TRIOBP: variants seen among roughly 807,000 people sequenced by gnomAD.
TRIOBP encodes the protein TRIO and F-actin binding protein, also known as TRIO and F-actin-binding protein.
Under a neutral mutation model 238.8 loss-of-function variants are expected in TRIOBP, and 169 were observed. The observed-to-expected ratio is 0.71, with a 90% CI of 0.62 to 0.80. The LOEUF is 0.80. Ranked by LOEUF, TRIOBP falls within the 30% of genes least tolerant of loss-of-function variation. TRIOBP has a pLI of 0.00. For synonymous variants in TRIOBP, 1,150 were observed against 1,274.4 expected (o/e 0.90, Z 2.08); for missense variants, 2,838 against 3,122.6 (o/e 0.91, Z 2.17).
At chr22:37,729,067 C>T (rs567522576) in intron 7 of TRIOBP, among the ~76,000 whole-genome samples, 5 of 152,216 alleles carry the variant, frequency 3.3e-5, no homozygotes, top group South Asian at 4.1e-4. Flanking sequence ...AGGAGCATGC[C>T]GCCACATCCG....
At chr22:37,746,228 A>AAAAAG (rs1555898836) in intron 11 of TRIOBP, 1 of 1,094,504 alleles carries the variant, frequency 9.1e-7, no homozygotes, top group African/African-American at 1.7e-5. Context: ...AAAAAAAAAA[A>AAAAAG]AAAAGTTTTA....
intron 11 of TRIOBP, among the ~76,000 whole-genome samples, chr22:37,741,364 C>T (rs887361658): frequency 1.3e-5 from 2 of 152,270 alleles, no homozygotes; most frequent in South Asian, 4.1e-4. Context: ...GAAGGGAAGG[C>T]GAGCTTATAA....
Position 37,771,744 on chromosome 22 carries a change from C to T in TRIOBP, c.6936+8C>T. ...CTCCAGATGATGCAGAAGGTAGGTC[C>T]TTCCGCTGGGCTGGGGGCCGTCGGG... On this transcript the variant is annotated splice_region_variant and intron_variant, in intron 22 of 23. Transcript: ENST00000644935. The T allele has an allele frequency of 6.2e-7, 1 of 1,613,980 alleles. No homozygotes were observed. Among genetic ancestry groups the T allele is most frequent in the Non-Finnish European group, 8.5e-7 (1 of 1,179,872 alleles).
Position 37,725,109 on chromosome 22 carries a change from G to A in TRIOBP, c.2553G>A (p.Arg851=). 2.5e-6 allele frequency: 4 copies of A among 1,613,932 alleles called. No individual in the cohort carries two copies. The highest frequency in any genetic ancestry group is 3.4e-6 in the Non-Finnish European group (4 of 1,179,982). The change falls in exon 7 of 24, where the codon CGG becomes CGA. Residue 851 remains arginine, a synonymous_variant. Coordinates refer to ENST00000644935, the MANE Select transcript of TRIOBP (RefSeq NM_001039141.3). ...RDNLRPTCTQ[R]DRTQSFSFQR... ...ACCTCAGACCCACTTGTACACAGCG[G>A]GACCGCACACAGTCCTTTTCCTTTC...
intron 7 of TRIOBP, among the ~76,000 whole-genome samples, chr22:37,731,215 G>A (rs1924405735): frequency 6.6e-6 from 1 of 151,776 alleles, no homozygotes; most frequent in South Asian, 2.1e-4. Context: ...ATGGCTCACT[G>A]CAGCCTCAAC....
rs767669500 is a variant in TRIOBP at position 37,725,480 on chromosome 22, G to A, written c.2924G>A (p.Arg975Gln). ...FGPTQYNLPS[R>Q]ATSSSHNPGH... ...CCCACCCAGTACAACTTGCCATCCCGGGCCACCTCTTCCTCCCATAACCCA... is the reference window on the plus strand; with the variant it reads ...CCCACCCAGTACAACTTGCCATCCCAGGCCACCTCTTCCTCCCATAACCCA... Residue 975 changes from arginine to glutamine, a missense_variant, in exon 7 of 24, where the codon CGG becomes CAG. By Grantham distance (43) the Arg-to-Gln change is conservative. Coordinates refer to ENST00000644935, the MANE Select transcript of TRIOBP (RefSeq NM_001039141.3). 131 of 1,613,068 alleles carry A rather than the reference G, an allele frequency of 8.1e-5. No homozygotes were observed. Among genetic ancestry groups the A allele is most frequent in the East Asian group, 1.6e-4 (7 of 44,862 alleles).
intron 17 of TRIOBP, among the ~76,000 whole-genome samples, chr22:37,764,253 A>G (rs964819497): frequency 6.6e-6 from 1 of 152,202 alleles, no homozygotes; most frequent in African/African-American, 2.4e-5. Flanking sequence ...TTGAGGGGCT[A>G]TCATTCTGCC....
intron 2 of TRIOBP, 142 bp downstream of exon 2, chr22:37,697,838 G>C (rs151007986): frequency 1.3e-5 from 2 of 152,190 alleles, no homozygotes; most frequent in East Asian, 3.9e-4. Flanking sequence ...TCCTGACCCA[G>C]CTCCACTCCA....
rs536865196 is a variant in TRIOBP, at chr22:37,708,479, A to G, written c.115-1948A>G. Among the ~76,000 whole-genome samples, 104 of 152,294 alleles carry G rather than the reference A, an allele frequency of 6.8e-4. 1 individual carries two copies. The highest frequency in any genetic ancestry group is 2.4e-3 in the African/African-American group (99 of 41,564). On this transcript the variant is annotated intron_variant, in intron 3 of 23. Transcript: ENST00000644935. ...GGCAGAAGAATTGCTTGAACCCAGG[A>G]GGCGAAGGTTGCAGTGAGCCGAGAC...
chr22:37,733,334 C>T lies in TRIOBP; in HGVS notation c.3984C>T (p.Asp1328=), dbSNP rs370704647. 6.4e-6 allele frequency: 10 copies of T among 1,551,352 alleles called. No individual in the cohort carries two copies. The East Asian group carries it at 9.8e-5, about 15-fold the overall frequency. ...SEAAGAFQAQ[D]EGRSQQPSQG... ...CAGCGGGGGCCTTCCAGGCCCAGGA[C>T]GAGGGACGGTCACAGCAGCCCAGCC... is the stretch of plus-strand genomic sequence containing the variant. Residue 1328 remains aspartate, a synonymous_variant, in exon 8 of 24, where the codon GAC becomes GAT. Transcript: ENST00000644935.
At position 37,765,734 on chromosome 22, in the gene TRIOBP, A is replaced by G. The variant is rs775628159; in HGVS notation, c.6389A>G (p.Gln2130Arg). ...SSHQQVMEEL[Q>R]RHHERELQRL... is the part of the protein sequence containing the mutation. ...CACCAGCAGGTGATGGAGGAGCTGC[A>G]GCGGCACCACGAGCGGGAGCTGCAG... The change falls in exon 18 of 24, where the codon CAG (glutamine) becomes CGG (arginine). Residue 2130 changes from glutamine to arginine, a missense_variant. Around this residue, in one of 5 missense-constraint regions of TRIOBP, gnomAD observed 2,096 missense variants for 2,137.4 expected, o/e 0.98. Transcript: ENST00000644935. 10 of 1,567,192 alleles carry G rather than the reference A, an allele frequency of 6.4e-6. 1 individual carries two copies. In the South Asian group the frequency reaches 9.4e-5, roughly 15 times the overall value.
At chr22:37,702,051 C>T (rs139953331) in intron 3 of TRIOBP, among the ~76,000 whole-genome samples, 3,609 of 151,816 alleles carry the variant, frequency 0.024, 69 homozygotes, top group Non-Finnish European at 0.037. Context: ...TGTGGTGAGC[C>T]GAGATCGCGC....
intron 21 of TRIOBP, among the ~76,000 whole-genome samples, chr22:37,769,577 G>T (rs575067427): frequency 6.6e-6 from 1 of 152,314 alleles, no homozygotes; most frequent in African/African-American, 2.4e-5. Flanking sequence ...TCACCTACCT[G>T]CCGTGTACCA....
At chr22:37,740,082 G>A (rs1924863072) in intron 10 of TRIOBP, among the ~76,000 whole-genome samples, 1 of 152,200 alleles carries the variant, frequency 6.6e-6, no homozygotes, top group African/African-American at 2.4e-5. Context: ...GCATGCCTGT[G>A]GTCAGGACTG....
chr22:37,759,057 G>C (rs760407244), intron 16 of TRIOBP, 97 bp from the exon 17 acceptor site: 3 of 1,008,314 alleles, frequency 3.0e-6, no homozygotes, highest in Non-Finnish European at 4.6e-6. Context: ...CGCTGGGCTT[G>C]TATCCGTGTG....
chr22:37,738,779 G>T, intron 10 of TRIOBP, 60 bp downstream of exon 10: 1 of 1,556,022 alleles, frequency 6.4e-7, no homozygotes. Flanking sequence ...GCAGGTTGGA[G>T]ATGGGCTTCA....
rs529066066 is a variant in TRIOBP at position 37,718,402 on chromosome 22, T to G, written c.628+2468T>G. Among the ~76,000 whole-genome samples, 224 of 152,270 alleles carry G rather than the reference T, an allele frequency of 1.5e-3. 1 individual carries two copies. Among genetic ancestry groups the G allele is most frequent in the Non-Finnish European group, 2.3e-3 (159 of 68,006 alleles). ...AGGGCCGCCAGCATGCTGTCACCTC[T>G]CAGTATCACCCCTCAGATTCTGCAT... On this transcript the variant is annotated intron_variant, in intron 6 of 23. Coordinates refer to ENST00000644935, the MANE Select transcript of TRIOBP (RefSeq NM_001039141.3).
At chr22:37,710,008 G>A (rs1923150646) in intron 3 of TRIOBP, among the ~76,000 whole-genome samples, 1 of 152,316 alleles carries the variant, frequency 6.6e-6, no homozygotes, top group African/African-American at 2.4e-5. Context: ...GACCCTGGTG[G>A]ATCCTTCTAT....
chr22:37,703,695 A>G (rs540421107), intron 3 of TRIOBP, among the ~76,000 whole-genome samples: 8 of 151,940 alleles, frequency 5.3e-5, no homozygotes, highest in Admixed American at 2.0e-4. Flanking sequence ...TAGTAGAGAC[A>G]GGGTTTCACC....
Sources: gnomAD v4.1 joint callset for allele counts (sites outside exome capture counted in the v4.1 genomes callset) on GRCh38, gnomAD v4.1.1 for gene constraint, gnomAD v4.1.1 regional missense constraint, MANE v1.5 for transcripts, NCBI Gene and HGNC (gene_info 2026-07-23, HGNC 2026-07-21) for gene names.